Variants in TRIM58 observed in about 807,000 individuals in gnomAD.
TRIM58 encodes the protein tripartite motif containing 58.
A neutral mutation model predicts 34.1 loss-of-function variants in TRIM58; 38 were observed. The observed-to-expected ratio is 1.12, with a 90% CI of 0.86 to 1.46. TRIM58 has a LOEUF of 1.46. Among genes scored for constraint, TRIM58 ranks in the 40% most tolerant of loss-of-function variants. The probability of loss-of-function intolerance (pLI) is 0.00; values close to 1 mark genes in which losing one functional copy is unlikely to be tolerated. For synonymous variants in TRIM58, 273 were observed against 275.7 expected (o/e 0.99, Z 0.10); for missense variants, 677 against 642.0 (o/e 1.05, Z -0.59).
intron 5 of TRIM58, among the ~76,000 whole-genome samples, chr1:247,873,749 C>T (rs1659202264): frequency 1.3e-5 from 2 of 152,340 alleles, no homozygotes; most frequent in East Asian, 3.9e-4. Context: ...GGATGGATTG[C>T]TTGAACCCAG....
At chr1:247,867,700 A>G in intron 3 of TRIM58, 145 bp from the exon 4 acceptor site, 1 of 993,632 alleles carries the variant, frequency 1.0e-6, no homozygotes, top group Non-Finnish European at 1.5e-6. Context: ...CAAAAAAAAA[A>G]TAGAAAAGAG....
At chr1:247,861,278 TACAC>T (rs140839343) in intron 2 of TRIM58, among the ~76,000 whole-genome samples, 4 of 151,330 alleles carry the variant, frequency 2.6e-5, no homozygotes, top group East Asian at 1.9e-4. Flanking sequence ...GTGATTCACA[TACAC>T]ACACACACAC....
intron 5 of TRIM58, among the ~76,000 whole-genome samples, chr1:247,875,021 A>G (rs964278613): frequency 1.3e-5 from 2 of 152,056 alleles, no homozygotes; most frequent in African/African-American, 4.8e-5. Context: ...TGACCTTTCC[A>G]TTTTCAAAGC....
chr1:247,867,762 A>G (rs1663964131), intron 3 of TRIM58, 83 bp from the exon 4 acceptor site: 3 of 1,511,408 alleles, frequency 2.0e-6, no homozygotes, highest in Non-Finnish European at 2.8e-6. Flanking sequence ...GTAGTTTCTA[A>G]GGAAATTTTT....
At position 247,864,898 on chromosome 1, in the gene TRIM58, A is replaced by G. The variant is rs139986459; in HGVS notation, c.710A>G (p.Gln237Arg). The change falls in exon 3 of 6, where the codon CAG (glutamine) becomes CGG (arginine). Residue 237 changes from glutamine to arginine, a missense_variant. Gln to Arg is a conservative substitution (Grantham distance 43). Coordinates refer to ENST00000366481, the MANE Select transcript of TRIM58 (RefSeq NM_015431.4). Reference protein sequence around the residue: ...KALKELADELQERCQRPALGL... With the variant: ...KALKELADELRERCQRPALGL... ...CTGAAGGAGCTGGCGGATGAGCTGC[A>G]GGAGAGGTGCCAGCGCCCGGCCCTG... The G allele has an allele frequency of 5.1e-4, 816 of 1,602,216 alleles. 4 individuals carry two copies. The African/African-American group carries it at 9.0e-3, about 18-fold the overall frequency.
chr1:247,872,621 G>C (rs1160393767), intron 5 of TRIM58, among the ~76,000 whole-genome samples: 1 of 152,166 alleles, frequency 6.6e-6, no homozygotes, highest in Non-Finnish European at 1.5e-5. Flanking sequence ...TGTACAATAG[G>C]GAGTTTCAGG....
rs551865366 is a variant in TRIM58, at chr1:247,867,636, G to A, written c.748-209G>A. Among the ~76,000 whole-genome samples the A allele has an allele frequency of 8.5e-5, 13 of 152,098 alleles. No homozygotes were observed. In the South Asian group the frequency reaches 1.3e-3, roughly 15 times the overall value. ...AGGGAGGTGGAGGTCGCAGTGAGCC[G>A]AGATTGCGCCATTGCACTCCAGCAG... On this transcript the variant is annotated intron_variant, in intron 3 of 5. Transcript: ENST00000366481.
chr1:247,861,559 A>G (rs1004772697), intron 2 of TRIM58, among the ~76,000 whole-genome samples: 5 of 152,072 alleles, frequency 3.3e-5, no homozygotes, highest in African/African-American at 9.7e-5. Flanking sequence ...ATATTCATAT[A>G]ATGTATTATA....
At position 247,878,999 on chromosome 1, in the gene TRIM58, C is replaced by T. The variant is rs953809752; in HGVS notation, c.*2510C>T. Among the ~76,000 whole-genome samples, 5 of 152,172 alleles carry T rather than the reference C, an allele frequency of 3.3e-5. No individual in the cohort carries two copies. The highest frequency in any genetic ancestry group is 1.2e-4 in the African/African-American group (5 of 41,460). On this transcript the variant is annotated 3_prime_UTR_variant, in exon 6 of 6. Coordinates refer to ENST00000366481, the MANE Select transcript of TRIM58 (RefSeq NM_015431.4). The stretch of plus-strand genomic sequence containing the variant: ...ACTTTGTTTCGTTACCAGCAAAATC[C>T]TCGACATCCATACCCGTTTCCTGGC...
chr1:247,875,553 C>T (rs1659264216), intron 5 of TRIM58, among the ~76,000 whole-genome samples: 1 of 152,050 alleles, frequency 6.6e-6, no homozygotes, highest in African/African-American at 2.4e-5. Flanking sequence ...CTCTCTCTCT[C>T]TCTCTCACGC....
chr1:247,864,616 G>A (rs1663874620), intron 2 of TRIM58, 89 bp from the exon 3 acceptor site: 3 of 1,380,552 alleles, frequency 2.2e-6, no homozygotes, highest in Admixed American at 4.3e-5. Flanking sequence ...GGAGCCCGGG[G>A]AAGTCTGGAC....
rs1235941666 is a variant in TRIM58, at chr1:247,880,009, G to GTAAAAACCACAAATGA, written c.*3520_*3521insTAAAAACCACAAATGA. 6.6e-6 allele frequency among the ~76,000 whole-genome samples: 1 copy of GTAAAAACCACAAATGA among 151,876 alleles called. No homozygotes were observed. Among genetic ancestry groups the GTAAAAACCACAAATGA allele is most frequent in the African/African-American group, 2.4e-5 (1 of 41,324 alleles). ...GTGCTAAATGTAAACACCACAAGGG[G>GTAAAAACCACAAATGA]AGGTATCTTTGTCTGTTGACAATGA... On this transcript the variant is annotated 3_prime_UTR_variant, in exon 6 of 6. Coordinates refer to ENST00000366481, the MANE Select transcript of TRIM58 (RefSeq NM_015431.4).
At chr1:247,875,718 G>C (rs1659267699) in intron 5 of TRIM58, among the ~76,000 whole-genome samples, 182 bp from the exon 6 acceptor site, 1 of 152,038 alleles carries the variant, frequency 6.6e-6, no homozygotes, top group East Asian at 1.9e-4. Flanking sequence ...AAGTTATAAA[G>C]AATAAGAATA....
In TRIM58 at chr1:247,876,455, A is replaced by C. The variant is rs1659290071; in HGVS notation, c.1427A>C (p.Asp476Ala). The C allele has an allele frequency of 1.2e-6, 2 of 1,613,960 alleles. No individual in the cohort carries two copies. The highest frequency in any genetic ancestry group is 1.7e-6 in the Non-Finnish European group (2 of 1,180,000). Residue 476 changes from aspartate (D) to alanine (A), a missense_variant, in exon 6 of 6, where the codon GAT becomes GCT. Transcript: ENST00000366481. ...SGNWASRDHLDPASDVRDDHL is the reference protein window; with the variant it reads ...SGNWASRDHLAPASDVRDDHL ...AATTGGGCATCCAGGGATCATTTAGATCCTGCTTCTGATGTAAGAGATGAT... is the reference window on the plus strand; with the variant it reads ...AATTGGGCATCCAGGGATCATTTAGCTCCTGCTTCTGATGTAAGAGATGAT...
chr1:247,864,070 C>G (rs1663860198), intron 2 of TRIM58, among the ~76,000 whole-genome samples: 1 of 152,124 alleles, frequency 6.6e-6, no homozygotes, highest in Non-Finnish European at 1.5e-5. Context: ...GTAACTTCTG[C>G]TGTGTGACTG....
At chr1:247,870,989 C>T (rs1463682918) in intron 5 of TRIM58, among the ~76,000 whole-genome samples, 460 of 118,836 alleles carry the variant, frequency 3.9e-3, no homozygotes, top group African/African-American at 5.4e-3. Flanking sequence ...ATCAGAGTCA[C>T]GGCCACCCAT....
chr1:247,860,321 T>C (rs1054736935), intron 1 of TRIM58, among the ~76,000 whole-genome samples: 1 of 151,978 alleles, frequency 6.6e-6, no homozygotes, highest in Admixed American at 6.6e-5. Context: ...ATTAGCTGAA[T>C]GTAATGATGT....
chr1:247,869,122 A>T (rs1192821920), intron 5 of TRIM58, among the ~76,000 whole-genome samples: 1 of 151,678 alleles, frequency 6.6e-6, no homozygotes, highest in East Asian at 1.9e-4. Context: ...CTGGTCTCGA[A>T]CTCCTGACCT....
At chr1:247,869,060 T>C (rs968377483) in intron 5 of TRIM58, among the ~76,000 whole-genome samples, 2 of 152,114 alleles carry the variant, frequency 1.3e-5, no homozygotes, top group African/African-American at 4.8e-5. Flanking sequence ...CCACCATGCC[T>C]GGCTAATTTT....
Sources: gnomAD v4.1 joint callset for allele counts (sites outside exome capture counted in the v4.1 genomes callset) on GRCh38, gnomAD v4.1.1 for gene constraint, MANE v1.5 for transcripts, NCBI Gene and HGNC (gene_info 2026-07-23, HGNC 2026-07-21) for gene names.